Variants in PTPN13 observed in about 807,000 individuals in gnomAD.
The protein encoded by PTPN13 is protein tyrosine phosphatase non-receptor type 13, also known as tyrosine-protein phosphatase non-receptor type 13.
PTPN13 carries 191 observed loss-of-function variants against 284.0 expected under a neutral mutation model. That is an observed-to-expected ratio of 0.67 (90% CI 0.60 to 0.76). The LOEUF is 0.76. PTPN13 is among the 30% of genes least tolerant of loss of function. The pLI is 0.00. For synonymous variants in PTPN13, 986 were observed against 1,022.3 expected, an observed-to-expected ratio of 0.96 and a Z score of 0.68; for missense variants, 2,797 against 2,939.9, an observed-to-expected ratio of 0.95 and a Z score of 1.12.
chr4:86,682,108 A>T (rs1309701854), intron 3 of PTPN13, among the ~76,000 whole-genome samples: 1 of 152,208 alleles, frequency 6.6e-6, no homozygotes, highest in Non-Finnish European at 1.5e-5. Context: ...TTTGTATCTT[A>T]TCACACTCCC....
At chr4:86,723,169 G>A (rs1420911977) in intron 10 of PTPN13, among the ~76,000 whole-genome samples, 1 of 152,078 alleles carries the variant, frequency 6.6e-6, no homozygotes, top group Non-Finnish European at 1.5e-5. Flanking sequence ...ACTTTACTGT[G>A]TACTGTAATT....
chr4:86,689,068 G>A lies in PTPN13; in HGVS notation c.424G>A (p.Ala142Thr), dbSNP rs151160491. ...TGGAATGTGTGAGGATGTTATTTAC[G>A]CTCGAGTTTCTGTTCGGACTGTGCT... is the stretch of plus-strand genomic sequence containing the variant. ...LLGMCEDVIY[A>T]RVSVRTVLDA... Residue 142 changes from alanine (A) to threonine (T), a missense_variant, in exon 5 of 48, where the codon GCT (alanine) becomes ACT (threonine). By Grantham distance (58) the Ala-to-Thr change is moderately conservative. Coordinates refer to ENST00000411767, the MANE Select transcript of PTPN13 (RefSeq NM_080683.3). The A allele has an allele frequency of 5.1e-5, 81 of 1,592,724 alleles. No homozygotes were observed. The African/African-American group carries it at 9.1e-4, about 18-fold the overall frequency.
intron 7 of PTPN13, among the ~76,000 whole-genome samples, chr4:86,703,920 C>T (rs1731438647): frequency 6.6e-6 from 1 of 152,050 alleles, no homozygotes; most frequent in South Asian, 2.1e-4. Context: ...TGCCTGTAAT[C>T]CTGGCACTAT....
intron 38 of PTPN13, among the ~76,000 whole-genome samples, 173 bp from the exon 39 acceptor site, chr4:86,785,058 A>G (rs1020180521): frequency 6.6e-6 from 1 of 152,232 alleles, no homozygotes; most frequent in East Asian, 1.9e-4. Flanking sequence ...GGGTAGTTTT[A>G]GAACTAAAAA....
chr4:86,715,540 T>A (rs911463205), intron 7 of PTPN13, among the ~76,000 whole-genome samples: 9 of 152,080 alleles, frequency 5.9e-5, no homozygotes, highest in Non-Finnish European at 1.3e-4. Context: ...TGCGGTAAGC[T>A]ATGACTGCAC....
intron 10 of PTPN13, among the ~76,000 whole-genome samples, chr4:86,724,116 T>C (rs1733969047): frequency 6.6e-6 from 1 of 152,214 alleles, no homozygotes; most frequent in Non-Finnish European, 1.5e-5. Flanking sequence ...TTCCTCATTG[T>C]GCTAATTTTT....
chr4:86,683,094 A>T (rs1385423513), intron 3 of PTPN13, among the ~76,000 whole-genome samples: 1 of 152,128 alleles, frequency 6.6e-6, no homozygotes, highest in Non-Finnish European at 1.5e-5. Context: ...GAGATATTTC[A>T]TACTTATATG....
intron 3 of PTPN13, among the ~76,000 whole-genome samples, chr4:86,685,636 G>A (rs527523506): frequency 1.3e-4 from 20 of 152,312 alleles, no homozygotes; most frequent in African/African-American, 4.6e-4. Context: ...AAAAACGGCA[G>A]TGATGCAGTG....
chr4:86,718,455 C>CTTTTTTTTTTTTT (rs796389778), intron 9 of PTPN13, among the ~76,000 whole-genome samples: 1 of 140,158 alleles, frequency 7.1e-6, no homozygotes, highest in Non-Finnish European at 1.6e-5. Flanking sequence ...TAATGGTCCA[C>CTTTTTTTTTTTTT]TTTTTTTTTT....
chr4:86,702,636 T>C (rs936078023), intron 7 of PTPN13, among the ~76,000 whole-genome samples: 1 of 152,138 alleles, frequency 6.6e-6, no homozygotes. Flanking sequence ...AATATGTTGA[T>C]TGGAGTAAAA....
intron 10 of PTPN13, among the ~76,000 whole-genome samples, chr4:86,731,119 A>G (rs1249951377): frequency 6.6e-6 from 1 of 152,172 alleles, no homozygotes; most frequent in Non-Finnish European, 1.5e-5. Flanking sequence ...TGTACAACCA[A>G]ATGCAAAGAA....
chr4:86,811,842 T>C (rs1745245525), intron 47 of PTPN13, among the ~76,000 whole-genome samples: 1 of 152,256 alleles, frequency 6.6e-6, no homozygotes, highest in South Asian at 2.1e-4. Flanking sequence ...TTGCCTACTT[T>C]CCTTTCATAA....
intron 1 of PTPN13, among the ~76,000 whole-genome samples, chr4:86,631,208 G>A (rs917352793): frequency 6.6e-6 from 1 of 152,100 alleles, no homozygotes; most frequent in Non-Finnish European, 1.5e-5. Context: ...TGAAGCAATA[G>A]GCTTTAAAAA....
In PTPN13 at chr4:86,807,913, C is replaced by A. The variant is rs757840175; in HGVS notation, c.7083+16C>A. The A allele has an allele frequency of 7.5e-6, 12 of 1,589,436 alleles. No homozygotes were observed. The highest frequency in any genetic ancestry group is 9.4e-6 in the Non-Finnish European group (11 of 1,164,694). On this transcript the variant is annotated intron_variant, in intron 45 of 47. Transcript: ENST00000411767. ...AGATATTCAGGTAAGTGAATGAAAT[C>A]TTTCCCTGTTGGAAGGTGTATCTCC...
chr4:86,655,018 T>A (rs1725585435), intron 2 of PTPN13, among the ~76,000 whole-genome samples: 1 of 152,216 alleles, frequency 6.6e-6, no homozygotes, highest in Non-Finnish European at 1.5e-5. Context: ...TCTCTTTTGA[T>A]CTTTGTTGGT....
At chr4:86,649,786 A>G (rs1281591373) in intron 2 of PTPN13, among the ~76,000 whole-genome samples, 1 of 152,086 alleles carries the variant, frequency 6.6e-6, no homozygotes, top group Non-Finnish European at 1.5e-5. Context: ...TCTAATAGTG[A>G]TTGTATTGAA....
intron 32 of PTPN13, among the ~76,000 whole-genome samples, chr4:86,774,040 T>C (rs1380419796): frequency 1.3e-5 from 2 of 152,174 alleles, no homozygotes; most frequent in Non-Finnish European, 2.9e-5. Flanking sequence ...CCAGAAAGTA[T>C]TTTTTGATCA....
At chr4:86,778,411 C>A (rs778805245) in intron 35 of PTPN13, among the ~76,000 whole-genome samples, 1 of 152,210 alleles carries the variant, frequency 6.6e-6, no homozygotes, top group East Asian at 1.9e-4. Context: ...GTCAGTTCCA[C>A]GTCTTCCAAG....
At chr4:86,772,548 T>C (rs1740121586) in intron 31 of PTPN13, among the ~76,000 whole-genome samples, 1 of 152,098 alleles carries the variant, frequency 6.6e-6, no homozygotes, top group African/African-American at 2.4e-5. Flanking sequence ...AGTGAGACCG[T>C]GTCTCAACAA....
Sources: gnomAD v4.1 joint callset for allele counts (sites outside exome capture counted in the v4.1 genomes callset) on GRCh38, gnomAD v4.1.1 for gene constraint, MANE v1.5 for transcripts, NCBI Gene and HGNC (gene_info 2026-07-23, HGNC 2026-07-21) for gene names.